Variants in EIPR1 observed in about 807,000 individuals in gnomAD.
EIPR1 encodes the protein EARP and GARP complex-interacting protein 1.
A neutral mutation model predicts 48.1 loss-of-function variants in EIPR1; 25 were observed. The observed-to-expected ratio is 0.52, with a 90% CI of 0.38 to 0.73. EIPR1 has a LOEUF of 0.73. Among genes scored for constraint, EIPR1 ranks in the 30% least tolerant of loss-of-function variants. The probability of loss-of-function intolerance (pLI) is 0.00; values close to 1 mark genes in which losing one functional copy is unlikely to be tolerated. For missense variants in EIPR1, 415 were observed against 506.2 expected (o/e 0.82, Z 1.73); for synonymous variants, 204 against 201.9 (o/e 1.01, Z -0.09).
At chr2:3,279,920 C>G (rs985640666) in intron 3 of EIPR1, among the ~76,000 whole-genome samples, 2 of 152,270 alleles carry the variant, frequency 1.3e-5, no homozygotes, top group Non-Finnish European at 2.9e-5. Context: ...CATCCTCTTA[C>G]TAGTCACCGC....
At chr2:3,284,052 C>T (rs377633684) in intron 3 of EIPR1, among the ~76,000 whole-genome samples, 62 of 152,304 alleles carry the variant, frequency 4.1e-4, no homozygotes, top group Middle Eastern at 3.4e-3. Context: ...CTCCCCAAGA[C>T]GCAGGCCAGG....
intron 5 of EIPR1, among the ~76,000 whole-genome samples, chr2:3,197,757 T>G (rs1032821471): frequency 2.6e-5 from 4 of 152,248 alleles, no homozygotes; most frequent in Non-Finnish European, 5.9e-5. Flanking sequence ...CATCCAGGTC[T>G]GCCCCAGGGT....
chr2:3,331,061 G>A (rs1280318762), intron 3 of EIPR1, among the ~76,000 whole-genome samples: 3 of 120,974 alleles, frequency 2.5e-5, no homozygotes, highest in African/African-American at 3.7e-5. Flanking sequence ...AGACACATGA[G>A]CAAAGATGGG....
At chr2:3,321,914 G>A (rs1313343072) in intron 3 of EIPR1, among the ~76,000 whole-genome samples, 1 of 152,174 alleles carries the variant, frequency 6.6e-6, no homozygotes, top group East Asian at 1.9e-4. Context: ...TCTCCACAAA[G>A]GCCACGCTGC....
At chr2:3,356,931 T>C (rs1010111626) in intron 1 of EIPR1, among the ~76,000 whole-genome samples, 7 of 152,266 alleles carry the variant, frequency 4.6e-5, no homozygotes, top group African/African-American at 1.2e-4. Context: ...TCACCTTTTC[T>C]GCATGGCAGT....
rs1278126942 is a variant in EIPR1 at position 3,207,396 on chromosome 2, G to A, written c.516+6753C>T. On this transcript the variant is annotated intron_variant, in intron 5 of 8. Transcript: ENST00000382125. ...GGCCTCCCCCGGCTCAGGTCGTCCTGTACTCTGTGCACCTTCCCACTCACC... is the reference window on the plus strand; with the variant it reads ...GGCCTCCCCCGGCTCAGGTCGTCCTATACTCTGTGCACCTTCCCACTCACC... 2.0e-5 allele frequency among the ~76,000 whole-genome samples: 3 copies of A among 152,340 alleles called. No homozygotes were observed. In the East Asian group the frequency reaches 5.8e-4, roughly 29 times the overall value.
rs772538142 is a variant in EIPR1, at chr2:3,377,626, T to C, written c.42+22A>G. On this transcript the variant is annotated intron_variant, in intron 1 of 8. Transcript: ENST00000382125. ...ATCAACAGCCAGGCCGAGCAGCACC[T>C]GCCGCCCTCCCAGTGACCCACCTGG... 9 of 1,564,472 alleles carry C rather than the reference T, an allele frequency of 5.8e-6. No individual in the cohort carries two copies. In the South Asian group the frequency reaches 9.4e-5, roughly 16 times the overall value.
intron 1 of EIPR1, among the ~76,000 whole-genome samples, chr2:3,376,337 G>A (rs1329905107): frequency 1.3e-5 from 2 of 152,060 alleles, no homozygotes; most frequent in African/African-American, 4.8e-5. Context: ...TTAAAACTTA[G>A]GTGTCTGGGT....
intron 4 of EIPR1, among the ~76,000 whole-genome samples, chr2:3,256,353 G>A (rs1355229508): frequency 6.6e-6 from 1 of 152,084 alleles, no homozygotes; most frequent in Non-Finnish European, 1.5e-5. Flanking sequence ...TGATTTCGGG[G>A]TACGCCACGG....
chr2:3,229,343 C>A (rs1188561952), intron 4 of EIPR1, among the ~76,000 whole-genome samples: 1 of 152,212 alleles, frequency 6.6e-6, no homozygotes, highest in Non-Finnish European at 1.5e-5. Context: ...TTGTTCTCTC[C>A]TTGACATCCT....
intron 1 of EIPR1, among the ~76,000 whole-genome samples, chr2:3,373,419 G>T (rs547325235): frequency 6.6e-6 from 1 of 152,314 alleles, no homozygotes; most frequent in East Asian, 1.9e-4. Flanking sequence ...ATTCGATTAG[G>T]AAAAGAGGAA....
chr2:3,311,202 T>G (rs1669118449), intron 3 of EIPR1, among the ~76,000 whole-genome samples: 1 of 152,162 alleles, frequency 6.6e-6, no homozygotes. Flanking sequence ...GCCTCCACCT[T>G]CTAAGCTTTA....
intron 4 of EIPR1, among the ~76,000 whole-genome samples, chr2:3,220,981 CTA>C (rs1221025293): frequency 2.2e-5 from 2 of 89,610 alleles, no homozygotes; most frequent in Admixed American, 1.2e-4. Flanking sequence ...ATGGTACACT[CTA>C]GAACACTCAC....
chr2:3,190,330 C>T (rs1664561500), intron 8 of EIPR1, among the ~76,000 whole-genome samples: 1 of 152,176 alleles, frequency 6.6e-6, no homozygotes, highest in African/African-American at 2.4e-5. Flanking sequence ...ATTCTAACTG[C>T]TTTTGCATTT....
At chr2:3,290,884 C>G (rs997390686) in intron 3 of EIPR1, among the ~76,000 whole-genome samples, 1 of 152,218 alleles carries the variant, frequency 6.6e-6, no homozygotes, top group Non-Finnish European at 1.5e-5. Context: ...CCGAGCAATG[C>G]AAGAGGAACA....
chr2:3,251,525 A>T (rs991210612), intron 4 of EIPR1, among the ~76,000 whole-genome samples: 16 of 152,186 alleles, frequency 1.1e-4, no homozygotes, highest in East Asian at 1.9e-4. Flanking sequence ...TGACTTGCCC[A>T]AAGTTGGAAC....
At position 3,189,957 on chromosome 2, in the gene EIPR1, T is replaced by TA. The variant is rs1664546490; in HGVS notation, c.990-450_990-449insT. Among the ~76,000 whole-genome samples the TA allele has an allele frequency of 6.6e-6, 1 of 152,076 alleles. No homozygotes were observed. Among genetic ancestry groups the TA allele is most frequent in the Non-Finnish European group, 1.5e-5 (1 of 68,002 alleles). ...GACCCTGGGAAGCAGCGGGTCCAGC[T>TA]CCTGGCTGTGTAGGAGTCAGAGGCT... On this transcript the variant is annotated intron_variant, in intron 8 of 8. Transcript: ENST00000382125. The surrounding 1 kb of genome is among the most constrained non-coding windows in gnomAD (Gnocchi z 4.6).
At chr2:3,363,603 G>A (rs1273964623) in intron 1 of EIPR1, among the ~76,000 whole-genome samples, 1 of 152,096 alleles carries the variant, frequency 6.6e-6, no homozygotes, top group Admixed American at 6.5e-5. Flanking sequence ...GGCTGAGGTG[G>A]GAGGCTTGAG....
rs1436923725 is a variant in EIPR1 at position 3,285,458 on chromosome 2, T to G, written c.260-28003A>C. Among the ~76,000 whole-genome samples the G allele has an allele frequency of 3.9e-5, 6 of 152,230 alleles. No homozygotes were observed. In the East Asian group the frequency reaches 1.2e-3, roughly 29 times the overall value. On this transcript the variant is annotated intron_variant, in intron 3 of 8. Transcript: ENST00000382125. ...TCAAGGCTCAGGGCCAATTAAACAC[T>G]GAGCGTTGGGGACTGAGCACTTCTA...
Sources: allele counts gnomAD v4.1 joint callset (sites outside exome capture counted in the v4.1 genomes callset), GRCh38; gene constraint gnomAD v4.1.1; non-coding constraint Gnocchi (gnomAD v3.1); transcripts MANE v1.5; gene names NCBI Gene and HGNC (gene_info 2026-07-23, HGNC 2026-07-21).